The following SOHLH2 variants were observed in gnomAD, a reference collection of about 807,000 sequenced individuals.
SOHLH2 encodes spermatogenesis and oogenesis specific basic helix-loop-helix 2.
A neutral mutation model predicts 50.4 loss-of-function variants in SOHLH2; 22 were observed. The observed-to-expected ratio is 0.44, with a 90% CI of 0.31 to 0.62. The LOEUF is 0.62. Among genes scored for constraint, SOHLH2 ranks in the 20% least tolerant of loss-of-function variants. The pLI is 0.08. For missense variants in SOHLH2, 412 were observed against 504.4 expected (o/e 0.82, Z 1.76); for synonymous variants, 185 against 187.3 (o/e 0.99, Z 0.10).
rs748271252 is a variant in SOHLH2, at chr13:36,169,069, G to GA, written c.1258-16dup. 2 of 1,603,576 alleles carry GA rather than the reference G, an allele frequency of 1.2e-6. No individual in the cohort carries two copies. The highest frequency in any genetic ancestry group is 3.3e-4 in the Middle Eastern group (2 of 6,026). On this transcript the variant is annotated splice_polypyrimidine_tract_variant and intron_variant, in intron 10 of 10. Transcript: ENST00000379881. ...CAAAACTGTTGCTGCAAAGAAGGGGGAAAAACCCACATTAATTGAATCCTC... is the reference window on the plus strand; with the variant it reads ...CAAAACTGTTGCTGCAAAGAAGGGGGAAAAAACCCACATTAATTGAATCCTC...
Position 36,196,665 on chromosome 13 carries a change from C to A in SOHLH2, c.264-2798G>T, listed in dbSNP as rs1566043262. Among the ~76,000 whole-genome samples the A allele has an allele frequency of 6.6e-5, 10 of 152,220 alleles. No individual in the cohort carries two copies. The South Asian group carries it at 2.1e-3, about 32-fold the overall frequency. ...AAACAGGTTGTTTGCTTTTAGAAAT[C>A]TTCCTATGTCCATTTTTGAAAACCC... On this transcript the variant is annotated intron_variant, in intron 2 of 10. Coordinates refer to ENST00000379881, the MANE Select transcript of SOHLH2 (RefSeq NM_017826.3).
In SOHLH2 at chr13:36,183,074, C is replaced by G. The variant is rs138121877; in HGVS notation, c.641+6872G>C. ...TGGTTTAAAAGAGTTTGGGGCCTCT[C>G]CTTTCTCTCTCTCTTGCTCCTCCTC... On this transcript the variant is annotated intron_variant, in intron 6 of 10. Transcript: ENST00000379881. 3.7e-3 allele frequency: 927 copies of G among 251,990 alleles called. 8 individuals carry two copies. The highest frequency in any genetic ancestry group is 3.5e-3 in the Non-Finnish European group (393 of 112,054). The allele number at this position is 251,990 out of a possible 1,614,324, so 15.6% of individuals were successfully genotyped here. A position where few individuals can be genotyped will look rare whatever the true frequency, so the allele number is the denominator to read the frequency against.
At chr13:36,193,905 C>T in intron 2 of SOHLH2, 38 bp from the exon 3 acceptor site, 1 of 1,571,020 alleles carries the variant, frequency 6.4e-7, no homozygotes, top group Non-Finnish European at 8.6e-7. Flanking sequence ...GAAGCAAAAT[C>T]ATTATTCAAA....
intron 2 of SOHLH2, among the ~76,000 whole-genome samples, chr13:36,198,231 G>A (rs552616559): frequency 6.6e-6 from 1 of 152,280 alleles, no homozygotes; most frequent in Non-Finnish European, 1.5e-5. Flanking sequence ...GAGAATCACA[G>A]AATTTTAACT....
intron 1 of SOHLH2, among the ~76,000 whole-genome samples, chr13:36,209,741 T>C (rs1009790891): frequency 6.6e-6 from 1 of 152,216 alleles, no homozygotes; most frequent in Non-Finnish European, 1.5e-5. Flanking sequence ...AATCGTTCAG[T>C]GTGTGCATTC....
Position 36,213,601 on chromosome 13 carries a change from C to T in SOHLH2, c.48+878G>A, listed in dbSNP as rs185299150. 1.4e-4 allele frequency among the ~76,000 whole-genome samples: 22 copies of T among 152,318 alleles called. No homozygotes were observed. The East Asian group carries it at 4.2e-3, about 29-fold the overall frequency. On this transcript the variant is annotated intron_variant, in intron 1 of 10. Coordinates refer to ENST00000379881, the MANE Select transcript of SOHLH2 (RefSeq NM_017826.3). ...TTCCTCCTAGTGGGGTAATCATCAC[C>T]TTTCACTTTTATCGAAAACAGTTAC...
In SOHLH2 at chr13:36,181,602, G is replaced by A. The variant is rs183018757; in HGVS notation, c.642-6733C>T. Among the ~76,000 whole-genome samples, 12 of 152,214 alleles carry A rather than the reference G, an allele frequency of 7.9e-5. No homozygotes were observed. In the East Asian group the frequency reaches 1.9e-3, roughly 24 times the overall value. The stretch of plus-strand genomic sequence containing the variant: ...GTATAACTGCAGAAGTTATGCAAGT[G>A]CATTTATCCCACTCATTCTTCATGT... On this transcript the variant is annotated intron_variant, in intron 6 of 10. Transcript: ENST00000379881.
rs1395154957 is a variant in SOHLH2, at chr13:36,168,222, G to A, written c.*812C>T. 1 of 152,124 alleles carries A rather than the reference G, an allele frequency of 6.6e-6. No homozygotes were observed. Among genetic ancestry groups the A allele is most frequent in the Non-Finnish European group, 1.5e-5 (1 of 68,016 alleles). 9.4% of individuals were successfully genotyped at this position (152,124 alleles called of 1,614,324 possible). ...ACAAAAATGGATTACAATGCTCAGG[G>A]TGAAAACTGAGTATTTTATTTAATA... On this transcript the variant is annotated 3_prime_UTR_variant, in exon 11 of 11. Transcript: ENST00000379881.
chr13:36,189,659 T>C (rs545984899), intron 6 of SOHLH2, among the ~76,000 whole-genome samples: 1 of 152,322 alleles, frequency 6.6e-6, no homozygotes, highest in South Asian at 2.1e-4. Context: ...AGCATAATTT[T>C]CTACTTAATA....
At chr13:36,174,141 T>G (rs984741192) in intron 8 of SOHLH2, among the ~76,000 whole-genome samples, 2 of 152,164 alleles carry the variant, frequency 1.3e-5, no homozygotes, top group African/African-American at 4.8e-5. Context: ...GCCCGAGACC[T>G]CTCCACAATG....
At chr13:36,174,970 C>A (rs141518663) in intron 6 of SOHLH2, 101 bp from the exon 7 acceptor site, 8 of 1,452,116 alleles carry the variant, frequency 5.5e-6, no homozygotes, top group Middle Eastern at 2.0e-4. Flanking sequence ...TGTAAAGGAA[C>A]CATCCCCTCC....
chr13:36,189,286 A>T (rs1887510103), intron 6 of SOHLH2, among the ~76,000 whole-genome samples: 1 of 152,082 alleles, frequency 6.6e-6, no homozygotes, highest in South Asian at 2.1e-4. Context: ...CCTTTGCTAA[A>T]ATCCTTTAGC....
chr13:36,211,215 AAGG>A (rs1370816405), intron 1 of SOHLH2, among the ~76,000 whole-genome samples: 2 of 152,228 alleles, frequency 1.3e-5, no homozygotes, highest in African/African-American at 2.4e-5. Context: ...TTGAGAATGA[AAGG>A]AGGTGCCATT....
rs758116567 is a variant in SOHLH2, at chr13:36,193,741, T to G, written c.326-16A>C. On this transcript the variant is annotated splice_polypyrimidine_tract_variant and intron_variant, in intron 3 of 10. Transcript: ENST00000379881. The stretch of plus-strand genomic sequence containing the variant: ...GAAATACAACCTAAGAATCTTTATA[T>G]TAAATATTGACCTTATAGTTTCTAT... The G allele has an allele frequency of 1.2e-6, 2 of 1,607,424 alleles. No individual in the cohort carries two copies. The highest frequency in any genetic ancestry group is 2.7e-5 in the African/African-American group (2 of 74,668).
chr13:36,196,928 C>T (rs1487403944), intron 2 of SOHLH2, among the ~76,000 whole-genome samples: 1 of 152,212 alleles, frequency 6.6e-6, no homozygotes, highest in Admixed American at 6.5e-5. Flanking sequence ...GTCTTAAGCT[C>T]AGCTGTTCAT....
At chr13:36,186,187 G>C (rs917913057) in intron 6 of SOHLH2, among the ~76,000 whole-genome samples, 1 of 151,822 alleles carries the variant, frequency 6.6e-6, no homozygotes, top group Non-Finnish European at 1.5e-5. Flanking sequence ...AACAAGAGGA[G>C]AAATTATCAT....
chr13:36,205,176 T>C (rs2138325120), intron 1 of SOHLH2, among the ~76,000 whole-genome samples: 1 of 152,334 alleles, frequency 6.6e-6, no homozygotes, highest in Middle Eastern at 3.4e-3. Context: ...TTTCCATTGA[T>C]TATTCTCAAT....
intron 4 of SOHLH2, among the ~76,000 whole-genome samples, chr13:36,192,119 C>T (rs909364247): frequency 6.6e-6 from 1 of 152,168 alleles, no homozygotes; most frequent in African/African-American, 2.4e-5. Flanking sequence ...CCCCGGGATA[C>T]CTTTAAGCCA....
intron 1 of SOHLH2, 41 bp downstream of exon 1, chr13:36,214,438 A>C: frequency 1.2e-6 from 2 of 1,601,336 alleles, no homozygotes; most frequent in Non-Finnish European, 1.7e-6. Flanking sequence ...CCCGCCCGCG[A>C]GGTTATAAAC....
Sources: allele counts gnomAD v4.1 joint callset (sites outside exome capture counted in the v4.1 genomes callset), GRCh38; gene constraint gnomAD v4.1.1; transcripts MANE v1.5; gene names NCBI Gene and HGNC (gene_info 2026-07-23, HGNC 2026-07-21).